The following PTPRM variants were observed in gnomAD, a reference collection of about 807,000 sequenced individuals.
PTPRM encodes the protein receptor-type tyrosine-protein phosphatase mu.
A neutral mutation model predicts 186.7 loss-of-function variants in PTPRM; 47 were observed. That is an observed-to-expected ratio of 0.25 (90% CI 0.20 to 0.32). The LOEUF (loss-of-function observed/expected upper bound fraction) is 0.32. Among genes scored for constraint, PTPRM ranks in the 10% least tolerant of loss-of-function variants. The pLI is 1.00. For missense variants in PTPRM, 1,494 were observed against 1,865.0 expected, an observed-to-expected ratio of 0.80 and a Z score of 3.66; for synonymous variants, 668 against 674.9, an observed-to-expected ratio of 0.99 and a Z score of 0.16.
intron 14 of PTPRM, among the ~76,000 whole-genome samples, chr18:8,196,517 G>C (rs1568501520): frequency 6.6e-6 from 1 of 152,202 alleles, no homozygotes; most frequent in African/African-American, 2.4e-5. Context: ...TATCCTGTTT[G>C]CACATAGCAT....
chr18:7,631,297 T>C (rs1158719072), intron 1 of PTPRM, among the ~76,000 whole-genome samples: 1 of 152,206 alleles, frequency 6.6e-6, no homozygotes, highest in Non-Finnish European at 1.5e-5. Context: ...AAACCTGTGC[T>C]AATTTCTTTT....
intron 22 of PTPRM, among the ~76,000 whole-genome samples, chr18:8,319,801 ACAT>A (rs1468728323): frequency 6.6e-6 from 1 of 152,146 alleles, no homozygotes; most frequent in African/African-American, 2.4e-5. Context: ...GAATGGAGAA[ACAT>A]CATGAGCAAA....
intron 7 of PTPRM, among the ~76,000 whole-genome samples, chr18:7,994,264 TAACAC>T (rs2083415217): frequency 9.9e-6 from 1 of 101,176 alleles, no homozygotes; most frequent in Non-Finnish European, 2.1e-5. Flanking sequence ...AGGATATAAA[TAACAC>T]ACACACACAC....
intron 2 of PTPRM, among the ~76,000 whole-genome samples, chr18:7,799,138 A>G (rs1188151068): frequency 6.6e-6 from 1 of 152,182 alleles, no homozygotes; most frequent in Non-Finnish European, 1.5e-5. Flanking sequence ...TGGGATATCC[A>G]AGACCAAGTT....
intron 7 of PTPRM, among the ~76,000 whole-genome samples, chr18:7,984,829 A>G (rs1283359529): frequency 7.3e-6 from 1 of 136,776 alleles, no homozygotes; most frequent in Non-Finnish European, 1.5e-5. Flanking sequence ...ATACACATAT[A>G]TAAATATATA....
intron 7 of PTPRM, among the ~76,000 whole-genome samples, chr18:8,054,779 A>G (rs1323473485): frequency 1.3e-5 from 2 of 151,726 alleles, no homozygotes; most frequent in African/African-American, 2.4e-5. Context: ...TTCAAAACTC[A>G]TTTTTCTTTT....
intron 14 of PTPRM, among the ~76,000 whole-genome samples, chr18:8,186,248 C>G (rs368126248): frequency 6.7e-6 from 1 of 149,704 alleles, no homozygotes; most frequent in East Asian, 2.0e-4. Context: ...ATCACTAGAA[C>G]CTGGAAGGCG....
At chr18:7,657,035 C>T (rs944730868) in intron 1 of PTPRM, among the ~76,000 whole-genome samples, 21 of 152,126 alleles carry the variant, frequency 1.4e-4, no homozygotes, top group South Asian at 4.1e-4. Context: ...CTACACTTTC[C>T]GACATACAAT....
chr18:8,222,510 C>CA (rs1252361541), intron 14 of PTPRM, among the ~76,000 whole-genome samples: 2 of 152,160 alleles, frequency 1.3e-5, no homozygotes, highest in Admixed American at 6.5e-5. Flanking sequence ...CCGGAACTGA[C>CA]AGAGTATGGG....
At chr18:7,881,209 T>G (rs889152059) in intron 2 of PTPRM, among the ~76,000 whole-genome samples, 1 of 152,068 alleles carries the variant, frequency 6.6e-6, no homozygotes, top group South Asian at 2.1e-4. Context: ...CTGAGGCAAG[T>G]GGATCACCTG....
At chr18:7,992,965 T>C (rs1339628452) in intron 7 of PTPRM, among the ~76,000 whole-genome samples, 1 of 151,894 alleles carries the variant, frequency 6.6e-6, no homozygotes, top group Admixed American at 6.6e-5. Context: ...AGAATACATA[T>C]TTACAAACAA....
chr18:8,193,525 A>G (rs1469305954), intron 14 of PTPRM, among the ~76,000 whole-genome samples: 1 of 152,240 alleles, frequency 6.6e-6, no homozygotes, highest in Non-Finnish European at 1.5e-5. Flanking sequence ...AGCTATGGTC[A>G]GCTGTAATGA....
chr18:8,244,106 G>C lies in PTPRM; in HGVS notation c.2349G>C (p.Glu783Asp). 6.2e-7 allele frequency: 1 copy of C among 1,609,576 alleles called. No individual in the cohort carries two copies. Among genetic ancestry groups the C allele is most frequent in the Non-Finnish European group, 8.5e-7 (1 of 1,178,618 alleles). ...AGACCATGAGCAGCACCCGACAGGA[G>C]ATGACTGTGATGGTGAACTCAATGG... is the stretch of plus-strand genomic sequence containing the variant. ...RKETMSSTRQ[E>D]MTVMVNSMDK... is the part of the protein sequence containing the mutation. Residue 783 changes from glutamate (E) to aspartate (D), a missense_variant, in exon 15 of 33, where the codon GAG (glutamate) becomes GAC (aspartate). Transcript: ENST00000580170.
intron 11 of PTPRM, among the ~76,000 whole-genome samples, chr18:8,092,709 T>C (rs1314411535): frequency 2.0e-5 from 3 of 152,106 alleles, no homozygotes; most frequent in Non-Finnish European, 2.9e-5. Flanking sequence ...AATGAAAGTC[T>C]GTCCCAGCAC....
chr18:7,705,605 T>C (rs2040069166), intron 1 of PTPRM, among the ~76,000 whole-genome samples: 1 of 152,152 alleles, frequency 6.6e-6, no homozygotes, highest in South Asian at 2.1e-4. Flanking sequence ...CTTTACAGTA[T>C]TGTTGATAGA....
At chr18:8,280,145 G>A (rs565562583) in intron 19 of PTPRM, among the ~76,000 whole-genome samples, 1 of 152,152 alleles carries the variant, frequency 6.6e-6, no homozygotes, top group African/African-American at 2.4e-5. Context: ...GGCTGGAAAT[G>A]CAAGATCAAG....
At chr18:8,208,265 C>T (rs2093956402) in intron 14 of PTPRM, among the ~76,000 whole-genome samples, 1 of 152,192 alleles carries the variant, frequency 6.6e-6, no homozygotes, top group African/African-American at 2.4e-5. Flanking sequence ...TGCACAGGTA[C>T]ATGCTGAATA....
At chr18:8,146,025 C>CTTTTT (rs33980345) in intron 14 of PTPRM, among the ~76,000 whole-genome samples, 2 of 109,876 alleles carry the variant, frequency 1.8e-5, no homozygotes, top group African/African-American at 6.6e-5. Flanking sequence ...TCTTTCTTTT[C>CTTTTT]TTTTTTTTTT....
intron 7 of PTPRM, among the ~76,000 whole-genome samples, chr18:8,041,972 G>T (rs551736962): frequency 1.6e-3 from 243 of 152,290 alleles, no homozygotes; most frequent in African/African-American, 5.5e-3. Context: ...CAGGCTGATG[G>T]CTAAGTAGAT....
Sources: allele counts gnomAD v4.1 joint callset (sites outside exome capture counted in the v4.1 genomes callset), GRCh38; gene constraint gnomAD v4.1.1; transcripts MANE v1.5; gene names NCBI Gene and HGNC (gene_info 2026-07-23, HGNC 2026-07-21).